KLHL4: variants seen among roughly 807,000 people sequenced by gnomAD.
The protein encoded by KLHL4 is kelch like family member 4.
A neutral mutation model predicts 45.8 loss-of-function variants in KLHL4; 17 were observed. That is an observed-to-expected ratio of 0.37 (90% CI 0.25 to 0.56). KLHL4 has a LOEUF of 0.56. KLHL4 is among the 20% of genes least tolerant of loss of function. The pLI is 0.79. For synonymous variants in KLHL4, 224 were observed against 189.9 expected, an observed-to-expected ratio of 1.18 and a Z score of -1.47; for missense variants, 544 against 544.9, an observed-to-expected ratio of 1.00 and a Z score of 0.02.
Position 87,604,321 on chromosome X carries a change from A to AT in KLHL4, c.423-9549dup, listed in dbSNP as rs780290175. ...GTATTCATATGGTAGTACTATTTGT[A>AT]TTTTTTTGAGAAATCTACATGCTGT... On this transcript the variant is annotated intron_variant, in intron 1 of 10. Coordinates refer to ENST00000373119, the MANE Select transcript of KLHL4 (RefSeq NM_019117.5). Among the ~76,000 whole-genome samples the AT allele has an allele frequency of 1.6e-3, 177 of 111,232 alleles. 1 individual carries two copies. Among genetic ancestry groups the AT allele is most frequent in the African/African-American group, 5.5e-3 (168 of 30,756 alleles).
chrX:87,636,400 G>T (rs1923264312), intron 9 of KLHL4, among the ~76,000 whole-genome samples: 1 of 111,840 alleles, frequency 8.9e-6, no homozygotes, highest in Admixed American at 9.5e-5. Context: ...TATAGACAGA[G>T]CAGTGTGTGG....
At position 87,592,009 on chromosome X, in the gene KLHL4, C is replaced by A. The variant is rs1921684026; in HGVS notation, c.423-21868C>A. Among the ~76,000 whole-genome samples the A allele has an allele frequency of 2.7e-5, 3 of 110,131 alleles. No homozygotes were observed. In the South Asian group the frequency reaches 1.2e-3, roughly 44 times the overall value. On this transcript the variant is annotated intron_variant, in intron 1 of 10. Coordinates refer to ENST00000373119, the MANE Select transcript of KLHL4 (RefSeq NM_019117.5). ...CCATCCAAACTTCCCCCCCCACCCC[C>A]ACTATCCTTGCCAGCCCGTAGTAGC...
In KLHL4 at chrX:87,554,360, T is replaced by TTCCTAC. The variant is rs1931915182; in HGVS notation, c.422+36047_422+36048insCTACTC. On this transcript the variant is annotated intron_variant, in intron 1 of 10. Coordinates refer to ENST00000373119, the MANE Select transcript of KLHL4 (RefSeq NM_019117.5). ...TCTTCCTACTCATGAGCATGGAATG[T>TTCCTAC]TCTTCCATTTGTTTGTATCCTCTTT... 2.2e-5 allele frequency among the ~76,000 whole-genome samples: 2 copies of TTCCTAC among 92,462 alleles called. 1 individual carries two copies. Among genetic ancestry groups the TTCCTAC allele is most frequent in the Non-Finnish European group, 4.2e-5 (2 of 48,096 alleles). The allele number at this position is 92,462 out of a possible 115,157, so 80.3% of individuals were successfully genotyped here.
At position 87,518,329 on chromosome X, in the gene KLHL4, G is replaced by T. The variant is rs1161998124; in HGVS notation, c.422+14G>T. 9.4e-6 allele frequency: 11 copies of T among 1,168,292 alleles called. No individual in the cohort carries two copies. The highest frequency in any genetic ancestry group is 1.3e-5 in the Non-Finnish European group (11 of 866,400). ...TTCTACAGCAAGGTAAGAGTTTTTGGTCGCATAACTGAATGCCGTAACTTC... is the reference window on the plus strand; with the variant it reads ...TTCTACAGCAAGGTAAGAGTTTTTGTTCGCATAACTGAATGCCGTAACTTC... On this transcript the variant is annotated intron_variant, in intron 1 of 10. Coordinates refer to ENST00000373119, the MANE Select transcript of KLHL4 (RefSeq NM_019117.5).
intron 1 of KLHL4, among the ~76,000 whole-genome samples, chrX:87,608,848 G>T (rs1451422986): frequency 9.0e-6 from 1 of 110,673 alleles, no homozygotes; most frequent in Non-Finnish European, 1.9e-5. Flanking sequence ...TGCCATGCTG[G>T]TGTGCTGTAC....
chrX:87,523,352 A>C (rs779098728), intron 1 of KLHL4, among the ~76,000 whole-genome samples: 1 of 111,880 alleles, frequency 8.9e-6, no homozygotes, highest in South Asian at 3.7e-4. Context: ...TATTTGTACC[A>C]GTGTGAAATT....
At chrX:87,577,789 G>A (rs765865336) in intron 1 of KLHL4, among the ~76,000 whole-genome samples, 28 of 111,086 alleles carry the variant, frequency 2.5e-4, no homozygotes, top group Non-Finnish European at 4.9e-4. Context: ...GCTATGCTTC[G>A]TTTTACAACT....
At chrX:87,621,511 G>C (rs1215974751) in intron 4 of KLHL4, among the ~76,000 whole-genome samples, 1 of 66,075 alleles carries the variant, frequency 1.5e-5, no homozygotes, top group East Asian at 3.8e-4. Context: ...TTGAGAAGGA[G>C]CTTCACTCTA....
chrX:87,612,450 A>G (rs2147812674), intron 1 of KLHL4, among the ~76,000 whole-genome samples: 1 of 111,899 alleles, frequency 8.9e-6, no homozygotes, highest in South Asian at 3.7e-4. Flanking sequence ...GCTATACCAT[A>G]AACCACATAG....
At chrX:87,538,877 T>C (rs781680264) in intron 1 of KLHL4, among the ~76,000 whole-genome samples, 2 of 111,604 alleles carry the variant, frequency 1.8e-5, no homozygotes, top group Non-Finnish European at 3.8e-5. Context: ...TTGAATTGCT[T>C]CTCTTGCTGG....
At chrX:87,598,336 G>A (rs1260070562) in intron 1 of KLHL4, among the ~76,000 whole-genome samples, 1 of 110,936 alleles carries the variant, frequency 9.0e-6, no homozygotes, top group African/African-American at 3.3e-5. Flanking sequence ...TCTACCACCT[G>A]TTTGAAGTAT....
intron 1 of KLHL4, among the ~76,000 whole-genome samples, chrX:87,605,111 C>T (rs756813687): frequency 3.6e-5 from 4 of 111,286 alleles, no homozygotes; most frequent in African/African-American, 9.8e-5. Flanking sequence ...TGTTCTGTTC[C>T]GTTATTCCTT....
chrX:87,581,137 C>T (rs1249301823), intron 1 of KLHL4, among the ~76,000 whole-genome samples: 1 of 112,320 alleles, frequency 8.9e-6, no homozygotes, highest in Admixed American at 9.4e-5. Flanking sequence ...CTGCAGTTCA[C>T]TTCTTGTGAT....
chrX:87,605,488 T>A (rs185872101), intron 1 of KLHL4, among the ~76,000 whole-genome samples: 54 of 111,054 alleles, frequency 4.9e-4, no homozygotes, highest in African/African-American at 1.6e-3. Context: ...TATTTTATTT[T>A]TATATATATT....
intron 1 of KLHL4, among the ~76,000 whole-genome samples, chrX:87,554,528 T>C (rs1931920841): frequency 1.0e-5 from 1 of 95,562 alleles, no homozygotes. Context: ...TTGTCTGTTA[T>C]TGGTGTATAA....
rs139628255 is a variant in KLHL4, at chrX:87,569,895, A to G, written c.423-43982A>G. Among the ~76,000 whole-genome samples, 21 of 111,401 alleles carry G rather than the reference A, an allele frequency of 1.9e-4. No individual in the cohort carries two copies. The East Asian group carries it at 4.0e-3, about 21-fold the overall frequency. On this transcript the variant is annotated intron_variant, in intron 1 of 10. Transcript: ENST00000373119. ...GGTGGTGAAAATGTTTCGGAAATAA[A>G]TGTTGATGATGGTTGCACAACATTG...
At position 87,668,815 on chromosome X, in the gene KLHL4, A is replaced by C; in HGVS notation, c.*2281A>C. 3.3e-6 allele frequency: 1 copy of C among 301,894 alleles called. No individual in the cohort carries two copies. The highest frequency in any genetic ancestry group is 4.4e-6 in the Non-Finnish European group (1 of 225,807). The allele number at this position is 301,894 out of a possible 1,213,427, so 24.9% of individuals were successfully genotyped here. On this transcript the variant is annotated 3_prime_UTR_variant, in exon 11 of 11. Coordinates refer to ENST00000373119, the MANE Select transcript of KLHL4 (RefSeq NM_019117.5). ...GACAGCTCTTACCAACAAGAAGGCC[A>C]TCCCAGATATGGCCTCTCAACCTCA...
chrX:87,544,043 C>T (rs182994596), intron 1 of KLHL4, among the ~76,000 whole-genome samples: 1 of 110,821 alleles, frequency 9.0e-6, no homozygotes, highest in East Asian at 2.9e-4. Flanking sequence ...CAGGACTTGA[C>T]TCTTAGATCA....
intron 1 of KLHL4, among the ~76,000 whole-genome samples, chrX:87,542,080 CAGA>C (rs1183179260): frequency 8.9e-6 from 1 of 111,839 alleles, no homozygotes; most frequent in East Asian, 2.8e-4. Flanking sequence ...GGGTATCTGG[CAGA>C]AGAATTTTCT....
Sources: allele counts gnomAD v4.1 joint callset (sites outside exome capture counted in the v4.1 genomes callset), GRCh38; gene constraint gnomAD v4.1.1; transcripts MANE v1.5; gene names NCBI Gene and HGNC (gene_info 2026-07-23, HGNC 2026-07-21).